Variants in PTPRD observed in about 807,000 individuals in gnomAD.
The protein encoded by PTPRD is receptor-type tyrosine-protein phosphatase delta.
Under a neutral mutation model 214.5 loss-of-function variants are expected in PTPRD, and 34 were observed. That is an observed-to-expected ratio of 0.16 (90% confidence interval 0.12 to 0.21). The LOEUF is 0.21. PTPRD is among the 10% of genes least tolerant of loss of function. The probability of loss-of-function intolerance (pLI) is 1.00; values close to 1 mark genes in which losing one functional copy is unlikely to be tolerated. For missense variants in PTPRD, 2,545 were observed against 2,398.7 expected (o/e 1.06, Z -1.27); for synonymous variants, 1,128 against 845.7 (o/e 1.33, Z -5.79).
In PTPRD at chr9:8,660,225, T is replaced by C. The variant is rs143015954; in HGVS notation, c.65-23381A>G. Among the ~76,000 whole-genome samples the C allele has an allele frequency of 1.7e-3, 252 of 151,570 alleles. 3 individuals are homozygous for C. The highest frequency in any genetic ancestry group is 6.1e-3 in the African/African-American group (249 of 40,876). ...TTGTCTTACACAGGCACATATCCTATAGAAGAATCAATAATCTAAGCTAAG... is the reference window on the plus strand; with the variant it reads ...TTGTCTTACACAGGCACATATCCTACAGAAGAATCAATAATCTAAGCTAAG... On this transcript the variant is annotated intron_variant, in intron 12 of 45. Transcript: ENST00000381196.
At chr9:8,660,317 C>T (rs1166561786) in intron 12 of PTPRD, among the ~76,000 whole-genome samples, 1 of 151,896 alleles carries the variant, frequency 6.6e-6, no homozygotes, top group African/African-American at 2.4e-5. Flanking sequence ...GGTTATAGGA[C>T]TTGCATGTAT....
At chr9:9,019,336 G>GAA (rs1303079498) in intron 10 of PTPRD, among the ~76,000 whole-genome samples, 1 of 18,852 alleles carries the variant, frequency 5.3e-5, no homozygotes, top group African/African-American at 1.3e-4. Flanking sequence ...AAGAAAGAAA[G>GAA]AACGAAAGAA....
Position 8,663,397 on chromosome 9 carries a change from T to C in PTPRD, c.65-26553A>G, listed in dbSNP as rs114530313. 5.2e-3 allele frequency among the ~76,000 whole-genome samples: 784 copies of C among 150,560 alleles called. 14 individuals are homozygous for C. The highest frequency in any genetic ancestry group is 0.019 in the African/African-American group (754 of 40,562). ...TTATTTACCAAACTAAAAAAAAAAA[T>C]ATCACTGTCACTGAATGTTAGGTGG... On this transcript the variant is annotated intron_variant, in intron 12 of 45. Transcript: ENST00000381196.
At chr9:10,012,673 G>A (rs895675238) in intron 4 of PTPRD, among the ~76,000 whole-genome samples, 1 of 151,892 alleles carries the variant, frequency 6.6e-6, no homozygotes, top group African/African-American at 2.4e-5. Flanking sequence ...ATTCCTCAGT[G>A]TAAGGTTTTA....
chr9:8,425,846 C>G (rs1237282117), intron 35 of PTPRD, among the ~76,000 whole-genome samples: 1 of 152,092 alleles, frequency 6.6e-6, no homozygotes, highest in African/African-American at 2.4e-5. Context: ...TTAAAACTAG[C>G]AGAGACATCA....
intron 2 of PTPRD, among the ~76,000 whole-genome samples, chr9:10,440,098 T>A (rs1247760166): frequency 6.6e-6 from 1 of 151,448 alleles, no homozygotes; most frequent in Admixed American, 6.6e-5. Context: ...TTTACATAAA[T>A]GGTTAAAAAA....
intron 10 of PTPRD, among the ~76,000 whole-genome samples, chr9:9,049,443 G>T (rs1348534213): frequency 3.3e-5 from 5 of 152,108 alleles, no homozygotes; most frequent in African/African-American, 1.2e-4. Context: ...ATAAATATTT[G>T]TCTTTCACTT....
chr9:10,297,695 G>A (rs1265266448), intron 3 of PTPRD, among the ~76,000 whole-genome samples: 2 of 151,872 alleles, frequency 1.3e-5, no homozygotes, highest in Non-Finnish European at 2.9e-5. Context: ...ATATTCATAT[G>A]GAGTAATGTG....
At position 10,230,474 on chromosome 9, in the gene PTPRD, A is replaced by ATCTG. The variant is rs879648467; in HGVS notation, c.-545+110485_-545+110488dup. On this transcript the variant is annotated intron_variant, in intron 3 of 45. Coordinates refer to ENST00000381196, the MANE Select transcript of PTPRD (RefSeq NM_002839.4). The stretch of plus-strand genomic sequence containing the variant: ...TATCTATCTATCTATCTATCTATCT[A>ATCTG]TCTGTCTATCTACCTATCCATCTAT... 2.1e-3 allele frequency among the ~76,000 whole-genome samples: 319 copies of ATCTG among 151,296 alleles called. 1 individual carries two copies. Among genetic ancestry groups the ATCTG allele is most frequent in the East Asian group, 0.019 (96 of 5,106 alleles).
At chr9:9,850,802 C>T (rs1261776358) in intron 5 of PTPRD, among the ~76,000 whole-genome samples, 1 of 151,956 alleles carries the variant, frequency 6.6e-6, no homozygotes, top group Non-Finnish European at 1.5e-5. Flanking sequence ...AATATTATAT[C>T]CTTTGACCAA....
intron 5 of PTPRD, among the ~76,000 whole-genome samples, chr9:9,892,441 C>G (rs565361260): frequency 6.6e-6 from 1 of 152,120 alleles, no homozygotes; most frequent in African/African-American, 2.4e-5. Context: ...GAAAGTAGAT[C>G]TAGGGCACAG....
chr9:8,788,964 T>C (rs2096111972), intron 11 of PTPRD, among the ~76,000 whole-genome samples: 1 of 152,116 alleles, frequency 6.6e-6, no homozygotes, highest in Non-Finnish European at 1.5e-5. Context: ...TACATAAAAA[T>C]AACTTTATCT....
intron 36 of PTPRD, among the ~76,000 whole-genome samples, chr9:8,390,866 A>T (rs2089296293): frequency 6.6e-6 from 1 of 152,212 alleles, no homozygotes; most frequent in Non-Finnish European, 1.5e-5. Context: ...TGAGAAGAAG[A>T]GAGGTTTAGA....
At chr9:9,115,430 G>C (rs868779588) in intron 10 of PTPRD, among the ~76,000 whole-genome samples, 1 of 152,112 alleles carries the variant, frequency 6.6e-6, no homozygotes. Context: ...CGCAAGGAGA[G>C]ACCACCTTAC....
intron 39 of PTPRD, among the ~76,000 whole-genome samples, chr9:8,360,670 G>C (rs2078248159): frequency 6.6e-6 from 1 of 152,134 alleles, no homozygotes; most frequent in Non-Finnish European, 1.5e-5. Flanking sequence ...ACATTTTATT[G>C]AATGTTGCTA....
chr9:10,010,923 T>G (rs2096585579), intron 4 of PTPRD, among the ~76,000 whole-genome samples: 1 of 151,944 alleles, frequency 6.6e-6, no homozygotes, highest in Non-Finnish European at 1.5e-5. Flanking sequence ...TTTTAAATAT[T>G]CTAGTGTTAT....
At chr9:9,264,669 C>T (rs867781418) in intron 9 of PTPRD, among the ~76,000 whole-genome samples, 9 of 151,518 alleles carry the variant, frequency 5.9e-5, no homozygotes, top group African/African-American at 2.2e-4. Context: ...GTATAAACAT[C>T]CAGATACGTG....
intron 9 of PTPRD, among the ~76,000 whole-genome samples, chr9:9,352,376 T>C (rs903072212): frequency 3.3e-5 from 5 of 150,982 alleles, no homozygotes; most frequent in African/African-American, 9.7e-5. Flanking sequence ...TGTGTGTATA[T>C]ATATATATGT....
At chr9:9,654,368 A>C (rs1156693009) in intron 7 of PTPRD, among the ~76,000 whole-genome samples, 1 of 152,108 alleles carries the variant, frequency 6.6e-6, no homozygotes, top group African/African-American at 2.4e-5. Flanking sequence ...CATTATGTAA[A>C]TTATATTTAT....
Sources: gnomAD v4.1 joint callset for allele counts (sites outside exome capture counted in the v4.1 genomes callset) on GRCh38, gnomAD v4.1.1 for gene constraint, MANE v1.5 for transcripts, NCBI Gene and HGNC (gene_info 2026-07-23, HGNC 2026-07-21) for gene names.